Variants in WWOX observed in about 807,000 individuals in gnomAD.
WWOX encodes the protein WW domain containing oxidoreductase, also known as WW domain-containing oxidoreductase.
WWOX carries 69 observed loss-of-function variants against 46.2 expected under a neutral mutation model. The ratio of observed to expected loss-of-function variants is 1.49; its 90% CI spans 1.23 to 1.82. The LOEUF (loss-of-function observed/expected upper bound fraction) is 1.82. Ranked by LOEUF, WWOX falls within the 40% of genes most tolerant of loss-of-function variation. The pLI is 0.00. For missense variants in WWOX, 919 were observed against 542.6 expected (o/e 1.69, Z -6.89); for synonymous variants, 359 against 202.6 (o/e 1.77, Z -6.56).
At chr16:78,789,197 G>C (rs1407937994) in intron 8 of WWOX, among the ~76,000 whole-genome samples, 1 of 152,068 alleles carries the variant, frequency 6.6e-6, no homozygotes, top group Non-Finnish European at 1.5e-5. Context: ...GGTGGTGTGA[G>C]AGCAGAAGGG....
At chr16:78,983,036 T>G (rs187309020) in intron 8 of WWOX, among the ~76,000 whole-genome samples, 105 of 152,328 alleles carry the variant, frequency 6.9e-4, no homozygotes, top group Middle Eastern at 3.4e-3. Flanking sequence ...TTTTGTGAAG[T>G]ATTTATTGTG....
intron 8 of WWOX, among the ~76,000 whole-genome samples, chr16:78,615,376 C>T (rs1402550489): frequency 6.6e-6 from 1 of 152,142 alleles, no homozygotes; most frequent in East Asian, 1.9e-4. Flanking sequence ...GGGCTGGGTG[C>T]AGCACCTCAC....
intron 8 of WWOX, among the ~76,000 whole-genome samples, chr16:78,660,229 T>C (rs995359366): frequency 1.3e-5 from 2 of 152,164 alleles, no homozygotes; most frequent in Non-Finnish European, 2.9e-5. Flanking sequence ...GAGGTTATTA[T>C]TACCTTAAAG....
chr16:78,812,195 C>T (rs1457701056), intron 8 of WWOX, among the ~76,000 whole-genome samples: 2 of 151,864 alleles, frequency 1.3e-5, no homozygotes, highest in East Asian at 1.9e-4. Context: ...CTGTATCTGC[C>T]AATTTTTTAA....
intron 5 of WWOX, 80 bp downstream of exon 5, chr16:78,164,369 G>C: frequency 1.6e-6 from 2 of 1,272,160 alleles, no homozygotes; most frequent in Non-Finnish European, 2.3e-6. Flanking sequence ...TCAGTGGAGT[G>C]TGTAAAGTTT....
At chr16:78,735,499 C>T (rs764722284) in intron 8 of WWOX, among the ~76,000 whole-genome samples, 5 of 152,068 alleles carry the variant, frequency 3.3e-5, no homozygotes, top group African/African-American at 7.2e-5. Context: ...TGCTTGAACT[C>T]GAGGACTTAT....
intron 6 of WWOX, among the ~76,000 whole-genome samples, chr16:78,422,966 A>G (rs939145359): frequency 6.7e-6 from 1 of 148,512 alleles, no homozygotes; most frequent in African/African-American, 2.5e-5. Context: ...GCTCACTACA[A>G]CCTCTGCCTC....
intron 6 of WWOX, among the ~76,000 whole-genome samples, chr16:78,395,019 C>T (rs1323917450): frequency 6.6e-6 from 1 of 152,198 alleles, no homozygotes; most frequent in African/African-American, 2.4e-5. Context: ...AGCCATAATG[C>T]ATGAAATTAC....
At chr16:79,096,609 C>G (rs996192812) in intron 8 of WWOX, among the ~76,000 whole-genome samples, 1 of 152,210 alleles carries the variant, frequency 6.6e-6, no homozygotes, top group African/African-American at 2.4e-5. Flanking sequence ...AGCAGCACCT[C>G]TGACCCCCTT....
At chr16:78,725,728 A>T (rs956461510) in intron 8 of WWOX, among the ~76,000 whole-genome samples, 2 of 152,044 alleles carry the variant, frequency 1.3e-5, no homozygotes, top group African/African-American at 4.8e-5. Context: ...AGAAGTCCAA[A>T]ATCAAGGTGT....
chr16:78,278,696 C>G (rs1260886608), intron 5 of WWOX: 2 of 1,559,600 alleles, frequency 1.3e-6, no homozygotes, highest in South Asian at 2.3e-5. Context: ...ATAGTCTCAT[C>G]AATTACATCT....
At chr16:79,001,811 G>A (rs369581856) in intron 8 of WWOX, among the ~76,000 whole-genome samples, 16 of 152,194 alleles carry the variant, frequency 1.1e-4, no homozygotes, top group African/African-American at 2.9e-4. Flanking sequence ...CCTCATGACT[G>A]CTTTAGAGAG....
intron 5 of WWOX, among the ~76,000 whole-genome samples, chr16:78,197,901 G>C (rs1397464928): frequency 6.6e-6 from 1 of 151,976 alleles, no homozygotes; most frequent in Non-Finnish European, 1.5e-5. Flanking sequence ...AAACTGACTA[G>C]GTCACATACT....
intron 8 of WWOX, among the ~76,000 whole-genome samples, chr16:78,943,843 C>T (rs112134153): frequency 2.7e-4 from 41 of 152,196 alleles, no homozygotes; most frequent in African/African-American, 8.4e-4. Flanking sequence ...CCCGATGTCC[C>T]GAAAGAGCAC....
rs554421665 is a variant in WWOX at position 78,531,162 on chromosome 16, A to C, written c.1056+98410A>C. Among the ~76,000 whole-genome samples, 58 of 152,326 alleles carry C rather than the reference A, an allele frequency of 3.8e-4. No individual in the cohort carries two copies. In the South Asian group the frequency reaches 0.012, roughly 30 times the overall value. On this transcript the variant is annotated intron_variant, in intron 8 of 8. Coordinates refer to ENST00000566780, the MANE Select transcript of WWOX (RefSeq NM_016373.4). Reference sequence around the variant, plus strand: ...ACCTTGCTAGGTTCTCACAATGTAGAAATTAAGCAGAAAACAGAGGTCTCA... The same window carrying C: ...ACCTTGCTAGGTTCTCACAATGTAGCAATTAAGCAGAAAACAGAGGTCTCA...
intron 8 of WWOX, among the ~76,000 whole-genome samples, chr16:78,794,799 T>C (rs2050695084): frequency 2.0e-5 from 3 of 152,226 alleles, no homozygotes; most frequent in African/African-American, 7.2e-5. Context: ...GCAGATCCTT[T>C]CTAATGCAGA....
chr16:78,884,631 G>A (rs12918302), intron 8 of WWOX, among the ~76,000 whole-genome samples: 2 of 152,060 alleles, frequency 1.3e-5, no homozygotes, highest in African/African-American at 4.8e-5. Context: ...ACAATGAGTT[G>A]ACTAAAAAGC....
At chr16:78,749,137 C>G (rs1397486550) in intron 8 of WWOX, among the ~76,000 whole-genome samples, 1 of 152,136 alleles carries the variant, frequency 6.6e-6, no homozygotes, top group African/African-American at 2.4e-5. Context: ...CCTCCATGAC[C>G]AAGGGCTGTC....
At chr16:78,729,622 G>A (rs1006678055) in intron 8 of WWOX, among the ~76,000 whole-genome samples, 1 of 152,108 alleles carries the variant, frequency 6.6e-6, no homozygotes, top group African/African-American at 2.4e-5. Context: ...GGCCTCTGGA[G>A]GAAGCACAGT....
Sources: gnomAD v4.1 joint callset for allele counts (sites outside exome capture counted in the v4.1 genomes callset) on GRCh38, gnomAD v4.1.1 for gene constraint, MANE v1.5 for transcripts, NCBI Gene and HGNC (gene_info 2026-07-23, HGNC 2026-07-21) for gene names.